GGH: variants seen among roughly 807,000 people sequenced by gnomAD.
The protein encoded by GGH is gamma-glutamyl hydrolase, also known as gamma-Glu-X carboxypeptidase.
Under a neutral mutation model 39.2 loss-of-function variants are expected in GGH, and 18 were observed. The observed-to-expected ratio is 0.46, with a 90% confidence interval of 0.32 to 0.68. GGH has a LOEUF of 0.68. Among genes scored for constraint, GGH ranks in the 30% least tolerant of loss-of-function variants. GGH has a pLI of 0.04. For missense variants in GGH, 367 were observed against 384.1 expected, an observed-to-expected ratio of 0.96 and a Z score of 0.37; for synonymous variants, 147 against 138.8, an observed-to-expected ratio of 1.06 and a Z score of -0.42.
chr8:63,029,271 A>G (rs979087539), intron 3 of GGH, among the ~76,000 whole-genome samples: 1 of 152,186 alleles, frequency 6.6e-6, no homozygotes, highest in Admixed American at 6.6e-5. Context: ...AACGGGGTGT[A>G]TGCTATACAC....
chr8:63,016,291 C>T lies in GGH; in HGVS notation c.836-838G>A, dbSNP rs544683750. Among the ~76,000 whole-genome samples, 5 of 152,200 alleles carry T rather than the reference C, an allele frequency of 3.3e-5. No individual in the cohort carries two copies. The East Asian group carries it at 9.6e-4, about 29-fold the overall frequency. Reference sequence around the variant, plus strand: ...CACTCCACGCACTCATGAAAATGTTCCTTTGGACTAATACTGTATATGGGA... The same window carrying T: ...CACTCCACGCACTCATGAAAATGTTTCTTTGGACTAATACTGTATATGGGA... On this transcript the variant is annotated intron_variant, in intron 8 of 8. Coordinates refer to ENST00000260118, the MANE Select transcript of GGH (RefSeq NM_003878.3).
chr8:63,017,675 A>T, intron 7 of GGH, 45 bp from the exon 8 acceptor site: 1 of 1,188,756 alleles, frequency 8.4e-7, no homozygotes, highest in Non-Finnish European at 1.2e-6. Context: ...ATGGTTTAAA[A>T]TGTTACTTAT....
At chr8:63,029,981 T>C in intron 3 of GGH, 186 bp downstream of exon 3, 1 of 415,470 alleles carries the variant, frequency 2.4e-6, no homozygotes, top group Non-Finnish European at 4.4e-6. Flanking sequence ...ACCTGCCTCT[T>C]CCTCTTTTGA....
Position 63,034,322 on chromosome 8 carries a change from G to A in GGH, c.224+1334C>T, listed in dbSNP as rs114993726. Reference sequence around the variant, plus strand: ...TTAAATGTAAAAGATCATACAAGAAGACAATTCTTATAAATCTAAACCTAA... The same window carrying A: ...TTAAATGTAAAAGATCATACAAGAAAACAATTCTTATAAATCTAAACCTAA... On this transcript the variant is annotated intron_variant, in intron 2 of 8. Transcript: ENST00000260118. Among the ~76,000 whole-genome samples, 838 of 152,038 alleles carry A rather than the reference G, an allele frequency of 5.5e-3. 5 individuals carry two copies. The highest frequency in any genetic ancestry group is 0.016 in the African/African-American group (654 of 41,478).
intron 5 of GGH, among the ~76,000 whole-genome samples, chr8:63,025,594 G>A (rs1804668836): frequency 6.6e-6 from 1 of 152,136 alleles, no homozygotes; most frequent in African/African-American, 2.4e-5. Flanking sequence ...TCAGCCAGGT[G>A]TGGTAGGGTG....
chr8:63,016,951 C>A (rs910439756), intron 8 of GGH, among the ~76,000 whole-genome samples: 6 of 152,118 alleles, frequency 3.9e-5, no homozygotes, highest in African/African-American at 1.2e-4. Context: ...AAAAGTAACA[C>A]CTAATTCTCA....
At chr8:63,038,499 C>T (rs905670669) in intron 1 of GGH, among the ~76,000 whole-genome samples, 161 bp downstream of exon 1, 2 of 152,262 alleles carry the variant, frequency 1.3e-5, no homozygotes, top group Non-Finnish European at 2.9e-5. Context: ...TTCAGTACGA[C>T]CTAAATGGTG....
At chr8:63,026,129 T>C (rs2129655717) in intron 5 of GGH, 29 bp downstream of exon 5, 1 of 1,525,192 alleles carries the variant, frequency 6.6e-7, no homozygotes. Flanking sequence ...AGCAAATATT[T>C]TTCAAAGGGT....
At chr8:63,033,996 T>C (rs1301755804) in intron 2 of GGH, among the ~76,000 whole-genome samples, 1 of 145,972 alleles carries the variant, frequency 6.9e-6, no homozygotes, top group Non-Finnish European at 1.5e-5. Context: ...TATATATATA[T>C]ATATGTCTCT....
At chr8:63,026,856 A>G (rs891552956) in intron 4 of GGH, 1 of 259,056 alleles carries the variant, frequency 3.9e-6, no homozygotes, top group Non-Finnish European at 7.1e-6. Context: ...GTGAGAATTA[A>G]TAACATAGAA....
intron 7 of GGH, among the ~76,000 whole-genome samples, chr8:63,023,300 C>T (rs1011033017): frequency 1.3e-5 from 2 of 152,190 alleles, no homozygotes; most frequent in African/African-American, 4.8e-5. Context: ...ACCCCACTCC[C>T]TTAGCCCCAA....
At chr8:63,030,054 C>A (rs1319858628) in intron 3 of GGH, 113 bp downstream of exon 3, 1 of 556,792 alleles carries the variant, frequency 1.8e-6, no homozygotes, top group Non-Finnish European at 3.3e-6. Flanking sequence ...TAATACTATA[C>A]CACTCTAAGA....
At chr8:63,029,368 G>C (rs1051084719) in intron 3 of GGH, among the ~76,000 whole-genome samples, 2 of 152,030 alleles carry the variant, frequency 1.3e-5, no homozygotes, top group African/African-American at 4.8e-5. Flanking sequence ...ACAGATAGCC[G>C]CATTTTTTAA....
chr8:63,030,386 C>A (rs879213862), intron 2 of GGH, among the ~76,000 whole-genome samples, 169 bp from the exon 3 acceptor site: 4 of 152,200 alleles, frequency 2.6e-5, no homozygotes, highest in Admixed American at 6.5e-5. Context: ...TTGAAAGCCA[C>A]ATCATTCTAT....
In GGH at chr8:63,038,656, T is replaced by A. The variant is rs1314624884; in HGVS notation, c.109+4A>T. On this transcript the variant is annotated splice_donor_region_variant and intron_variant, in intron 1 of 8. Transcript: ENST00000260118. ...TCTGCTGCGGCCCCGCACAGCCTCC[T>A]TACCGATGATGGGCTTCTTGGCGGT... 1 of 1,439,378 alleles carries A rather than the reference T, an allele frequency of 6.9e-7. No homozygotes were observed. Among genetic ancestry groups the A allele is most frequent in the Non-Finnish European group, 9.4e-7 (1 of 1,068,842 alleles). 89.2% of individuals were successfully genotyped at this position (1,439,378 alleles called of 1,614,324 possible).
rs778493583 is a variant in GGH, at chr8:63,015,401, C to T, written c.888G>A (p.Leu296=). The T allele has an allele frequency of 6.8e-7, 1 of 1,459,998 alleles. No homozygotes were observed. The highest frequency in any genetic ancestry group is 9.5e-7 in the Non-Finnish European group (1 of 1,050,820). The allele number at this position is 1,459,998 out of a possible 1,614,324, so 90.4% of individuals were successfully genotyped here. A position where few individuals can be genotyped will look rare whatever the true frequency, so the allele number is the denominator to read the frequency against. ...FKSESEEEKA[L]IYQFSPIYTG... ...TATAAATTGGACTGAACTGATAAATCAATGCTTTCTCCTCTTCAGATTCAG... is the reference window on the plus strand; with the variant it reads ...TATAAATTGGACTGAACTGATAAATTAATGCTTTCTCCTCTTCAGATTCAG... Residue 296 remains leucine (L), a synonymous_variant, in exon 9 of 9, where the codon TTG becomes TTA. Transcript: ENST00000260118.
At chr8:63,035,188 C>T (rs1487094970) in intron 2 of GGH, among the ~76,000 whole-genome samples, 1 of 152,148 alleles carries the variant, frequency 6.6e-6, no homozygotes, top group African/African-American at 2.4e-5. Flanking sequence ...CAGCTTCCCA[C>T]ATTAAACAAT....
Position 63,030,181 on chromosome 8 carries a change from GA to G in GGH, c.260del (p.Phe87SerfsTer57). The G allele has an allele frequency of 7.0e-7, 1 of 1,427,782 alleles. No individual in the cohort carries two copies. The highest frequency in any genetic ancestry group is 9.9e-7 in the Non-Finnish European group (1 of 1,011,032). 88.4% of individuals were successfully genotyped at this position (1,427,782 alleles called of 1,614,324 possible). A position where few individuals can be genotyped will look rare whatever the true frequency, so the allele number is the denominator to read the frequency against. On this transcript the variant is annotated frameshift_variant, in exon 3 of 9. Coordinates refer to ENST00000260118, the MANE Select transcript of GGH (RefSeq NM_003878.3). LOFTEE classifies it high-confidence loss of function. ...DLTEKDYEIL[F>X]KSINGILFPG... ...TGCCAACTTACCCATTAATAGATTTGAAAAGTATTTCATAGTCTTTCTCTGT... is the reference window on the plus strand; with the variant it reads ...TGCCAACTTACCCATTAATAGATTTGAAAGTATTTCATAGTCTTTCTCTGT...
At chr8:63,018,473 T>C (rs908736045) in intron 7 of GGH, among the ~76,000 whole-genome samples, 1 of 152,170 alleles carries the variant, frequency 6.6e-6, no homozygotes, top group Non-Finnish European at 1.5e-5. Flanking sequence ...AAAGAAGAGA[T>C]ATCTAGGGGT....
Sources: gnomAD v4.1 joint callset for allele counts (sites outside exome capture counted in the v4.1 genomes callset) on GRCh38, gnomAD v4.1.1 for gene constraint, MANE v1.5 for transcripts, NCBI Gene and HGNC (gene_info 2026-07-23, HGNC 2026-07-21) for gene names.